DPYSL3: variants seen among roughly 807,000 people sequenced by gnomAD.
DPYSL3 encodes dihydropyrimidinase-related protein 3.
A neutral mutation model predicts 66.1 loss-of-function variants in DPYSL3; 16 were observed. The observed-to-expected ratio is 0.24, with a 90% CI of 0.16 to 0.37. The LOEUF is 0.37. Ranked by LOEUF, DPYSL3 falls within the 10% of genes least tolerant of loss-of-function variation. DPYSL3 has a pLI of 1.00. For synonymous variants in DPYSL3, 338 were observed against 345.1 expected (o/e 0.98, Z 0.23); for missense variants, 738 against 916.2 (o/e 0.81, Z 2.51).
At chr5:147,415,669 G>A in intron 4 of DPYSL3, 40 bp downstream of exon 4, 1 of 1,598,304 alleles carries the variant, frequency 6.3e-7, no homozygotes, top group Non-Finnish European at 8.5e-7. Context: ...CTGGCAAGAA[G>A]AAGCTAAGAG....
intron 1 of DPYSL3, among the ~76,000 whole-genome samples, chr5:147,486,475 T>C (rs1340601347): frequency 6.6e-6 from 1 of 152,028 alleles, no homozygotes; most frequent in African/African-American, 2.4e-5. Context: ...TAGCTCAGAG[T>C]TTCTATCTAT....
chr5:147,405,117 C>G (rs555122917), intron 8 of DPYSL3, among the ~76,000 whole-genome samples: 1 of 152,320 alleles, frequency 6.6e-6, no homozygotes, highest in East Asian at 1.9e-4. Flanking sequence ...ATAAACCAAA[C>G]AGAGGAAAGA....
chr5:147,430,124 T>A, intron 1 of DPYSL3, among the ~76,000 whole-genome samples: 1 of 140,068 alleles, frequency 7.1e-6, no homozygotes, highest in African/African-American at 2.7e-5. Flanking sequence ...AGGAAGGAAG[T>A]AAAAAGAGAG....
intron 1 of DPYSL3, among the ~76,000 whole-genome samples, chr5:147,471,156 A>G (rs1289442826): frequency 1.3e-5 from 2 of 152,196 alleles, no homozygotes; most frequent in Non-Finnish European, 2.9e-5. Context: ...CAAACTGTTG[A>G]AGGCAGAATC....
At chr5:147,412,762 C>T (rs1053487074) in intron 5 of DPYSL3, 74 bp from the exon 6 acceptor site, 3 of 1,330,002 alleles carry the variant, frequency 2.3e-6, no homozygotes, top group Admixed American at 1.9e-5. Flanking sequence ...ATTACCAGAG[C>T]CCAAGCTAAA....
chr5:147,443,491 G>C (rs967801866), intron 1 of DPYSL3, among the ~76,000 whole-genome samples: 6 of 151,980 alleles, frequency 3.9e-5, no homozygotes, highest in Admixed American at 3.9e-4. Context: ...GGGTTGGGGG[G>C]GTGATGGGAG....
intron 1 of DPYSL3, among the ~76,000 whole-genome samples, chr5:147,440,475 T>C (rs1268652662): frequency 1.3e-5 from 2 of 152,206 alleles, no homozygotes; most frequent in Non-Finnish European, 2.9e-5. Flanking sequence ...ATGGATCTGG[T>C]TTCCTGCTTT....
At chr5:147,453,455 C>A in intron 1 of DPYSL3, 1 of 1,452,822 alleles carries the variant, frequency 6.9e-7, no homozygotes, top group Non-Finnish European at 9.1e-7. Flanking sequence ...GGGGACCAGG[C>A]CAGAGAAGCC....
At chr5:147,453,723 G>T in intron 1 of DPYSL3, 1 of 1,316,276 alleles carries the variant, frequency 7.6e-7, no homozygotes, top group Non-Finnish European at 9.7e-7. Flanking sequence ...GCCTCCGCCC[G>T]CCTCCGCCCC....
intron 1 of DPYSL3, among the ~76,000 whole-genome samples, chr5:147,495,067 C>T (rs1468271812): frequency 6.6e-6 from 1 of 152,032 alleles, no homozygotes. Flanking sequence ...TCAATAATTA[C>T]CTTCCAAATC....
rs1421938383 is a variant in DPYSL3, at chr5:147,509,652, C to G, written c.207G>C (p.Gln69His). 6.5e-7 allele frequency: 1 copy of G among 1,535,744 alleles called. No individual in the cohort carries two copies. Among genetic ancestry groups the G allele is most frequent in the East Asian group, 2.4e-5 (1 of 40,868 alleles). ...QRGAKTPRSG[Q>H]GSDRGSGSRP... Reference sequence around the variant, plus strand: ...GACTCCCCGATCCTCGGTCGCTGCCCTGGCCGCTCCGAGGAGTCTTCGCGC... The same window carrying G: ...GACTCCCCGATCCTCGGTCGCTGCCGTGGCCGCTCCGAGGAGTCTTCGCGC... The change falls in exon 1 of 14, where the codon CAG becomes CAC. Residue 69 changes from glutamine to histidine, a missense_variant. Physicochemically the swap from Gln to His is conservative, Grantham distance 24. Transcript: ENST00000343218. This position sits in a 1 kb window ranked among gnomAD's most constrained non-coding sequence, Gnocchi z 5.3.
chr5:147,490,022 T>C (rs1208107624), intron 1 of DPYSL3, among the ~76,000 whole-genome samples: 1 of 152,148 alleles, frequency 6.6e-6, no homozygotes, highest in African/African-American at 2.4e-5. Context: ...TTTCCCCATG[T>C]CTTTTACAAT....
At chr5:147,479,377 C>T (rs1467622303) in intron 1 of DPYSL3, among the ~76,000 whole-genome samples, 1 of 152,148 alleles carries the variant, frequency 6.6e-6, no homozygotes, top group Non-Finnish European at 1.5e-5. Context: ...GCTGTATATT[C>T]TAAGAGATGC....
intron 1 of DPYSL3, chr5:147,453,847 GT>G (rs367709275): frequency 0.19 from 139,831 of 725,780 alleles, 10,646 homozygotes; most frequent in African/African-American, 0.42. Flanking sequence ...CCCGGGTTTT[GT>G]TTTTTTTTTT....
In DPYSL3 at chr5:147,496,646, A is replaced by G. The variant is rs550536243; in HGVS notation, c.381+12832T>C. 6.5e-3 allele frequency among the ~76,000 whole-genome samples: 984 copies of G among 152,300 alleles called. 9 individuals carry two copies. Among genetic ancestry groups the G allele is most frequent in the Middle Eastern group, 0.02 (6 of 294 alleles). The stretch of plus-strand genomic sequence containing the variant: ...TTTATGCAGCCAAAAAACACATGAA[A>G]AAATGCTCATCATCACTGGCCATCA... On this transcript the variant is annotated intron_variant, in intron 1 of 13. Coordinates refer to ENST00000343218, the MANE Select transcript of DPYSL3 (RefSeq NM_001197294.2).
intron 1 of DPYSL3, among the ~76,000 whole-genome samples, chr5:147,484,637 A>T (rs763618206): frequency 1.5e-4 from 23 of 152,210 alleles, no homozygotes; most frequent in Admixed American, 2.0e-4. Flanking sequence ...TCAGGCCCTA[A>T]GCAAGTGCTC....
chr5:147,397,639 C>T, intron 12 of DPYSL3, 27 bp downstream of exon 12: 1 of 1,602,750 alleles, frequency 6.2e-7, no homozygotes, highest in African/African-American at 1.3e-5. Context: ...AGCTCCTGCA[C>T]CACCTCAGAG....
intron 1 of DPYSL3, among the ~76,000 whole-genome samples, chr5:147,497,481 A>T (rs1175576076): frequency 6.6e-6 from 1 of 152,180 alleles, no homozygotes; most frequent in East Asian, 1.9e-4. Flanking sequence ...TCAACAAAAT[A>T]TTAGCAAGTT....
chr5:147,432,663 C>A (rs888979807), intron 1 of DPYSL3, among the ~76,000 whole-genome samples: 11 of 152,248 alleles, frequency 7.2e-5, no homozygotes, highest in African/African-American at 2.6e-4. Context: ...CCATTCTCAA[C>A]GAGAAAGGTC....
Sources: gnomAD v4.1 joint callset for allele counts (sites outside exome capture counted in the v4.1 genomes callset) on GRCh38, gnomAD v4.1.1 for gene constraint, Gnocchi (gnomAD v3.1) non-coding constraint, MANE v1.5 for transcripts, NCBI Gene and HGNC (gene_info 2026-07-23, HGNC 2026-07-21) for gene names.